The following CTIF variants were observed in gnomAD, a reference collection of about 807,000 sequenced individuals.
The protein encoded by CTIF is cap binding complex dependent translation initiation factor, also known as CBP80/20-dependent translation initiation factor.
In CTIF, 21 loss-of-function variants were observed where a neutral mutation model predicts 66.0. That is an observed-to-expected ratio of 0.32 (90% CI 0.23 to 0.46). CTIF has a LOEUF of 0.46. Among genes scored for constraint, CTIF ranks in the 20% least tolerant of loss-of-function variants. The pLI is 1.00. For missense variants in CTIF, 739 were observed against 812.7 expected, an observed-to-expected ratio of 0.91 and a Z score of 1.10; for synonymous variants, 345 against 326.4, an observed-to-expected ratio of 1.06 and a Z score of -0.62.
rs3809921 is a variant in CTIF, at chr18:48,861,518, A to T, written c.*1959A>T. 2.0e-5 allele frequency: 3 copies of T among 152,260 alleles called. No homozygotes were observed. The highest frequency in any genetic ancestry group is 7.2e-5 in the African/African-American group (3 of 41,464). The allele number at this position is 152,260 out of a possible 1,614,324, so 9.4% of individuals were successfully genotyped here. ...GGGCAGGCCCCAGGGCGAGCTTGCC[A>T]TCGTGGCCAGGCAGCCTCCACCTGT... On this transcript the variant is annotated 3_prime_UTR_variant, in exon 12 of 12. Transcript: ENST00000256413.
chr18:48,801,761 C>A (rs2068054274), intron 9 of CTIF, among the ~76,000 whole-genome samples: 1 of 152,214 alleles, frequency 6.6e-6, no homozygotes, highest in African/African-American at 2.4e-5. Context: ...CTTCCAACTG[C>A]TTCCAGAGCA....
intron 3 of CTIF, among the ~76,000 whole-genome samples, chr18:48,642,338 G>A (rs573997565): frequency 1.3e-5 from 2 of 152,208 alleles, no homozygotes; most frequent in Non-Finnish European, 2.9e-5. Flanking sequence ...GGGTAGGGAG[G>A]TGTCTTGCAG....
chr18:48,553,994 A>G (rs2088957050), intron 1 of CTIF, among the ~76,000 whole-genome samples: 1 of 152,160 alleles, frequency 6.6e-6, no homozygotes, highest in South Asian at 2.1e-4. Context: ...TCAGAGCTCC[A>G]GACTCCCAAG....
At chr18:48,730,300 AGGTGTGAGGGGCTTCTGC>A (rs1167781064) in intron 7 of CTIF, among the ~76,000 whole-genome samples, 14 of 65,754 alleles carry the variant, frequency 2.1e-4, no homozygotes, top group South Asian at 5.6e-4. Flanking sequence ...GGGGCCCCTG[AGGTGTGAGGGGCTTCTGC>A]GGTGTGAGGG....
At chr18:48,776,806 AGTT>A (rs766203384) in intron 9 of CTIF, among the ~76,000 whole-genome samples, 1 of 152,352 alleles carries the variant, frequency 6.6e-6, no homozygotes, top group East Asian at 1.9e-4. Flanking sequence ...GCAATCTGGC[AGTT>A]GTTTATCCCA....
intron 3 of CTIF, among the ~76,000 whole-genome samples, chr18:48,637,866 C>G (rs1240814024): frequency 6.6e-6 from 1 of 152,266 alleles, no homozygotes; most frequent in Middle Eastern, 3.4e-3. Context: ...TGGTGGCAAA[C>G]TCTTCCTTCT....
intron 1 of CTIF, among the ~76,000 whole-genome samples, chr18:48,590,997 G>A (rs1477556939): frequency 6.6e-6 from 1 of 152,194 alleles, no homozygotes; most frequent in Non-Finnish European, 1.5e-5. Flanking sequence ...GAAACAGGCA[G>A]ATCTCAGAAA....
chr18:48,575,901 G>GA (rs140238389), intron 1 of CTIF, among the ~76,000 whole-genome samples: 2,674 of 152,390 alleles, frequency 0.018, 75 homozygotes, highest in African/African-American at 0.062. Flanking sequence ...CCTAGTCAAT[G>GA]AGAGTGCTTT....
At chr18:48,620,247 A>G (rs2090469795) in intron 2 of CTIF, among the ~76,000 whole-genome samples, 3 of 152,190 alleles carry the variant, frequency 2.0e-5, no homozygotes, top group Admixed American at 2.0e-4. Flanking sequence ...TGTCAGACAT[A>G]CTTAGACATA....
intron 7 of CTIF, among the ~76,000 whole-genome samples, chr18:48,715,126 A>C (rs960672331): frequency 6.6e-6 from 1 of 152,104 alleles, no homozygotes; most frequent in African/African-American, 2.4e-5. Context: ...CCCTACCCAC[A>C]CTGTCAGAGG....
chr18:48,700,605 A>T (rs955011695), intron 6 of CTIF, among the ~76,000 whole-genome samples: 1 of 152,238 alleles, frequency 6.6e-6, no homozygotes. Flanking sequence ...GCTAGTTTGT[A>T]TAATGAGCTG....
At chr18:48,619,452 C>T (rs1568078308) in intron 1 of CTIF, 86 bp from the exon 2 acceptor site, 3 of 853,556 alleles carry the variant, frequency 3.5e-6, no homozygotes, top group African/African-American at 1.7e-5. Context: ...AAGATGCTTC[C>T]AGGAGCAGAG....
chr18:48,675,377 C>A (rs1042482813), intron 6 of CTIF, among the ~76,000 whole-genome samples: 2 of 152,180 alleles, frequency 1.3e-5, no homozygotes, highest in African/African-American at 4.8e-5. Flanking sequence ...GGAGTGGAGG[C>A]CTCGCCAGGA....
chr18:48,796,226 T>C (rs2067914370), intron 9 of CTIF, among the ~76,000 whole-genome samples: 1 of 144,064 alleles, frequency 6.9e-6, no homozygotes, highest in Non-Finnish European at 1.5e-5. Flanking sequence ...CAGGCTGGAG[T>C]GCAGTGGTGT....
intron 1 of CTIF, among the ~76,000 whole-genome samples, chr18:48,582,549 A>T (rs893326508): frequency 9.9e-5 from 15 of 151,904 alleles, no homozygotes; most frequent in African/African-American, 3.6e-4. Flanking sequence ...TGGGCTCCTG[A>T]GGCACATTGC....
chr18:48,540,180 A>G (rs1225021228), intron 1 of CTIF: 1 of 151,960 alleles, frequency 6.6e-6, no homozygotes, highest in Non-Finnish European at 1.5e-5. Context: ...GGCTTTTTTT[A>G]TTATTCCTGT....
In CTIF at chr18:48,692,322, A is replaced by C. The variant is rs1268323049; in HGVS notation, c.508-19297A>C. On this transcript the variant is annotated intron_variant, in intron 6 of 11. Transcript: ENST00000256413. ...ACAAAAAAACAAAAACAAAAACAAAACAAAAAACAAAAAACAAAAAAAAAA... is the reference window on the plus strand; with the variant it reads ...ACAAAAAAACAAAAACAAAAACAAACCAAAAAACAAAAAACAAAAAAAAAA... 4.9e-5 allele frequency among the ~76,000 whole-genome samples: 6 copies of C among 123,216 alleles called. No individual in the cohort carries two copies. The South Asian group carries it at 1.2e-3, about 24-fold the overall frequency. The allele number at this position is 123,216 out of a possible 152,430, so 80.8% of individuals were successfully genotyped here. A position where few individuals can be genotyped will look rare whatever the true frequency, so the allele number is the denominator to read the frequency against.
At chr18:48,639,497 C>T (rs1204243376) in intron 3 of CTIF, among the ~76,000 whole-genome samples, 1 of 152,096 alleles carries the variant, frequency 6.6e-6, no homozygotes, top group African/African-American at 2.4e-5. Flanking sequence ...GGGAGTTGCA[C>T]CTCCTGGATG....
At chr18:48,691,005 T>C (rs894849825) in intron 6 of CTIF, among the ~76,000 whole-genome samples, 1 of 152,080 alleles carries the variant, frequency 6.6e-6, no homozygotes, top group African/African-American at 2.4e-5. Flanking sequence ...ACCACGAGCA[T>C]GGTGCACGTG....
Sources: allele counts gnomAD v4.1 joint callset (sites outside exome capture counted in the v4.1 genomes callset), GRCh38; gene constraint gnomAD v4.1.1; transcripts MANE v1.5; gene names NCBI Gene and HGNC (gene_info 2026-07-23, HGNC 2026-07-21).